TGM4: variants seen among roughly 807,000 people sequenced by gnomAD.
The protein encoded by TGM4 is transglutaminase 4, also known as protein-glutamine gamma-glutamyltransferase 4.
TGM4 carries 61 observed loss-of-function variants against 76.3 expected under a neutral mutation model. That is an observed-to-expected ratio of 0.80 (90% confidence interval 0.65 to 0.99). The LOEUF is 0.99. Among genes scored for constraint, TGM4 ranks in the 50% least tolerant of loss-of-function variants. The pLI, the probability that TGM4 is intolerant of heterozygous loss-of-function variation, is 0.00. For missense variants in TGM4, 794 were observed against 843.2 expected (o/e 0.94, Z 0.72); for synonymous variants, 337 against 329.8 (o/e 1.02, Z -0.24).
At chr3:44,898,423 TC>T (rs1293423878) in intron 6 of TGM4, among the ~76,000 whole-genome samples, 3 of 152,222 alleles carry the variant, frequency 2.0e-5, no homozygotes, top group Non-Finnish European at 2.9e-5. Context: ...CCACGATTTT[TC>T]ATCCTTTGTA....
At chr3:44,887,369 C>T (rs997366516) in intron 2 of TGM4, among the ~76,000 whole-genome samples, 2 of 152,180 alleles carry the variant, frequency 1.3e-5, no homozygotes, top group Admixed American at 6.5e-5. Context: ...TGGCACGAGC[C>T]AGCAGGGTTA....
chr3:44,906,542 A>G lies in TGM4; in HGVS notation c.1076-407A>G, dbSNP rs142459883. On this transcript the variant is annotated intron_variant, in intron 9 of 13. Coordinates refer to ENST00000296125, the MANE Select transcript of TGM4 (RefSeq NM_003241.4). ...TTAATTTAATCTTCGCAATAGCCTTAGAAGGTAAGTGCTGTTTTTATTCCC... is the reference window on the plus strand; with the variant it reads ...TTAATTTAATCTTCGCAATAGCCTTGGAAGGTAAGTGCTGTTTTTATTCCC... Among the ~76,000 whole-genome samples, 81 of 152,328 alleles carry G rather than the reference A, an allele frequency of 5.3e-4. 5 individuals are homozygous for G. The East Asian group carries it at 0.015, about 28-fold the overall frequency.
rs200355345 is a variant in TGM4 at position 44,903,878 on chromosome 3, C to A, written c.972-6C>A. On this transcript the variant is annotated splice_polypyrimidine_tract_variant and splice_region_variant and intron_variant, in intron 8 of 13. Coordinates refer to ENST00000296125, the MANE Select transcript of TGM4 (RefSeq NM_003241.4). ...CGGGGTGGGGCCCGTTCCCAATTTG[C>A]GGCAGGAATTTCCATGTGTGGACGG... The A allele has an allele frequency of 6.2e-7, 1 of 1,613,854 alleles. No individual in the cohort carries two copies. Among genetic ancestry groups the A allele is most frequent in the South Asian group, 1.1e-5 (1 of 91,084 alleles).
At chr3:44,879,377 G>A (rs1027520376) in intron 1 of TGM4, among the ~76,000 whole-genome samples, 19 of 150,826 alleles carry the variant, frequency 1.3e-4, no homozygotes, top group African/African-American at 4.6e-4. Context: ...CGTGATCTCG[G>A]CTCACTGCAA....
chr3:44,887,635 T>G, intron 2 of TGM4, 54 bp from the exon 3 acceptor site: 1 of 1,545,628 alleles, frequency 6.5e-7, no homozygotes, highest in Non-Finnish European at 8.9e-7. Context: ...CCAGAGGAGA[T>G]TGTCTTGGGG....
chr3:44,879,440 G>A (rs1699500756), intron 1 of TGM4, among the ~76,000 whole-genome samples: 1 of 150,520 alleles, frequency 6.6e-6, no homozygotes, highest in Admixed American at 6.6e-5. Flanking sequence ...TCGAGTAGCT[G>A]GGATTACAGG....
At chr3:44,905,407 CCCTGACATCTCTGCCTCACT>C (rs1392457417) in intron 9 of TGM4, among the ~76,000 whole-genome samples, 1 of 152,140 alleles carries the variant, frequency 6.6e-6, no homozygotes, top group Admixed American at 6.5e-5. Flanking sequence ...GCCGGCCCCT[CCCTGACATCTCTGCCTCACT>C]CCTGCAGCCC....
At chr3:44,902,483 C>G (rs1386242437) in intron 8 of TGM4, among the ~76,000 whole-genome samples, 1 of 152,084 alleles carries the variant, frequency 6.6e-6, no homozygotes, top group Non-Finnish European at 1.5e-5. Context: ...GCCTGTAATC[C>G]CAGCTACTTG....
chr3:44,904,131 C>T (rs1699891461), intron 9 of TGM4, 144 bp downstream of exon 9: 1 of 661,618 alleles, frequency 1.5e-6, no homozygotes, highest in East Asian at 2.7e-5. Context: ...CTCAGTCCTT[C>T]CTGCTATTCC....
At chr3:44,907,716 C>G (rs1167311440) in intron 10 of TGM4, among the ~76,000 whole-genome samples, 1 of 152,176 alleles carries the variant, frequency 6.6e-6, no homozygotes, top group Non-Finnish European at 1.5e-5. Flanking sequence ...CCTGGCCAAA[C>G]CTCTGCTTAT....
At chr3:44,903,687 C>T (rs1699884095) in intron 8 of TGM4, 197 bp from the exon 9 acceptor site, 3 of 597,032 alleles carry the variant, frequency 5.0e-6, no homozygotes, top group Non-Finnish European at 3.0e-6. Flanking sequence ...AACTCTGTGC[C>T]CTGGGAGGCT....
At chr3:44,882,107 G>A (rs1559609252) in intron 1 of TGM4, among the ~76,000 whole-genome samples, 1 of 133,388 alleles carries the variant, frequency 7.5e-6, no homozygotes, top group Admixed American at 8.7e-5. Context: ...TGTTGCCCAG[G>A]CTGGCGTGTT....
At chr3:44,899,315 CT>C (rs1699821569) in intron 6 of TGM4, 1 of 152,398 alleles carries the variant, frequency 6.6e-6, no homozygotes, top group East Asian at 1.9e-4. Flanking sequence ...GCTGTGCTGA[CT>C]CCTGGTGCAG....
intron 1 of TGM4, among the ~76,000 whole-genome samples, chr3:44,880,576 G>T (rs1699519035): frequency 6.6e-6 from 1 of 152,138 alleles, no homozygotes; most frequent in Admixed American, 6.5e-5. Flanking sequence ...GTGGCAAAAA[G>T]TACAAAGAAA....
Position 44,911,312 on chromosome 3 carries a change from TG to T in TGM4, c.1820del (p.Cys607LeufsTer11). 6.2e-7 allele frequency: 1 copy of T among 1,614,236 alleles called. No individual in the cohort carries two copies. Among genetic ancestry groups the T allele is most frequent in the Non-Finnish European group, 8.5e-7 (1 of 1,180,038 alleles). ...AATTGGCCAGCTACTTGTCTGCAATTGTATCTTCAAGAATACCCTGGCCATC... is the reference window on the plus strand; with the variant it reads ...AATTGGCCAGCTACTTGTCTGCAATTTATCTTCAAGAATACCCTGGCCATC... ...GRIGQLLVCN[C>X]IFKNTLAIPL... On this transcript the variant is annotated frameshift_variant, in exon 13 of 14. Transcript: ENST00000296125. LOFTEE classifies it high-confidence loss of function.
chr3:44,892,835 C>T (rs543933845), intron 4 of TGM4, among the ~76,000 whole-genome samples: 78 of 152,238 alleles, frequency 5.1e-4, no homozygotes, highest in Middle Eastern at 3.4e-3. Flanking sequence ...CTAGAAGTCC[C>T]CTTTTTTAAC....
Position 44,879,259 on chromosome 3 carries a change from C to CTA in TGM4, c.19+4563_19+4564insAT, listed in dbSNP as rs1365143873. Among the ~76,000 whole-genome samples the CTA allele has an allele frequency of 4.5e-3, 461 of 101,610 alleles. 2 individuals carry two copies. The highest frequency in any genetic ancestry group is 6.3e-3 in the Admixed American group (58 of 9,210). The allele number at this position is 101,610 out of a possible 152,430, so 66.7% of individuals were successfully genotyped here. A position where few individuals can be genotyped will look rare whatever the true frequency, so the allele number is the denominator to read the frequency against. On this transcript the variant is annotated intron_variant, in intron 1 of 13. Coordinates refer to ENST00000296125, the MANE Select transcript of TGM4 (RefSeq NM_003241.4). The stretch of plus-strand genomic sequence containing the variant: ...ATGGTCTCTCTCTCTCTCTCTCTCT[C>CTA]TCTCTCTATATATATATATATATAT...
chr3:44,891,963 GAA>G, intron 4 of TGM4, among the ~76,000 whole-genome samples: 1 of 115,296 alleles, frequency 8.7e-6, no homozygotes, highest in South Asian at 2.8e-4. Flanking sequence ...CTCAAAAAAG[GAA>G]AAAAAAAAAT....
At chr3:44,877,193 T>G (rs1381547213) in intron 1 of TGM4, among the ~76,000 whole-genome samples, 1 of 152,124 alleles carries the variant, frequency 6.6e-6, no homozygotes, top group African/African-American at 2.4e-5. Flanking sequence ...ATGCCTGTAA[T>G]CCCAGCACTT....
Sources: gnomAD v4.1 joint callset for allele counts (sites outside exome capture counted in the v4.1 genomes callset) on GRCh38, gnomAD v4.1.1 for gene constraint, MANE v1.5 for transcripts, NCBI Gene and HGNC (gene_info 2026-07-23, HGNC 2026-07-21) for gene names.